ATP2B2: variants seen among roughly 807,000 people sequenced by gnomAD.
The protein encoded by ATP2B2 is ATPase plasma membrane Ca2+ transporting 2.
ATP2B2 carries 15 observed loss-of-function variants against 120.0 expected under a neutral mutation model. The ratio of observed to expected loss-of-function variants is 0.12; its 90% CI spans 0.08 to 0.19. The LOEUF (loss-of-function observed/expected upper bound fraction) is 0.19. ATP2B2 is among the 10% of genes least tolerant of loss of function. The pLI is 1.00. For synonymous variants in ATP2B2, 694 were observed against 700.3 expected (o/e 0.99, Z 0.14); for missense variants, 1,045 against 1,719.8 (o/e 0.61, Z 6.94).
chr3:10,665,513 C>A (rs1260605822), intron 1 of ATP2B2, among the ~76,000 whole-genome samples: 1 of 152,170 alleles, frequency 6.6e-6, no homozygotes, highest in East Asian at 1.9e-4. Flanking sequence ...TGCCTCCTGG[C>A]TGGGCTGGGA....
chr3:10,393,675 T>C (rs934048999), intron 5 of ATP2B2, among the ~76,000 whole-genome samples: 9 of 152,270 alleles, frequency 5.9e-5, no homozygotes, highest in Admixed American at 5.9e-4. Context: ...AGCTATCCCA[T>C]GAGTGGGAGG....
At chr3:10,618,572 G>A (rs1319405420) in intron 2 of ATP2B2, among the ~76,000 whole-genome samples, 2 of 152,156 alleles carry the variant, frequency 1.3e-5, no homozygotes, top group Non-Finnish European at 2.9e-5. Flanking sequence ...AAAATCGGAG[G>A]AGGAAGCATG....
At chr3:10,483,776 G>A (rs1017524721) in intron 1 of ATP2B2, among the ~76,000 whole-genome samples, 21 of 152,188 alleles carry the variant, frequency 1.4e-4, no homozygotes, top group Admixed American at 7.2e-4. Flanking sequence ...AACGCCTTCC[G>A]GAAAAAACTT....
Position 10,395,465 on chromosome 3 carries a change from C to T in ATP2B2, c.781+5488G>A, listed in dbSNP as rs73113632. The stretch of plus-strand genomic sequence containing the variant: ...AATACCCTTGCTCTTGGGAGACACA[C>T]CTGCAGTGTCTAGCGGGAGAAGGCC... On this transcript the variant is annotated intron_variant, in intron 5 of 22. Coordinates refer to ENST00000360273, the MANE Select transcript of ATP2B2 (RefSeq NM_001001331.4). Among the ~76,000 whole-genome samples the T allele has an allele frequency of 3.1e-3, 466 of 152,344 alleles. 4 individuals are homozygous for T. Among genetic ancestry groups the T allele is most frequent in the African/African-American group, 0.011 (442 of 41,576 alleles).
chr3:10,375,889 T>G lies in ATP2B2; in HGVS notation c.1202-245A>C, dbSNP rs1167761610. Among the ~76,000 whole-genome samples, 2 of 152,130 alleles carry G rather than the reference T, an allele frequency of 1.3e-5. No individual in the cohort carries two copies. The highest frequency in any genetic ancestry group is 1.5e-5 in the Non-Finnish European group (1 of 68,012). ...CCCAAGATTTTGTAAGGCTCAAATG[T>G]GGTAATAACGCATGCAAAGTGCCCA... On this transcript the variant is annotated intron_variant, in intron 10 of 22. Coordinates refer to ENST00000360273, the MANE Select transcript of ATP2B2 (RefSeq NM_001001331.4). This position sits in a 1 kb window ranked among gnomAD's most constrained non-coding sequence, Gnocchi z 4.2.
At position 10,342,324 on chromosome 3, in the gene ATP2B2, G is replaced by A. The variant is rs529607973; in HGVS notation, c.2917+428C>T. On this transcript the variant is annotated intron_variant, in intron 19 of 22. Coordinates refer to ENST00000360273, the MANE Select transcript of ATP2B2 (RefSeq NM_001001331.4). This position sits in a 1 kb window ranked among gnomAD's most constrained non-coding sequence, Gnocchi z 4.4. ...AAGCATTGTGAGAGTCGGTGGTGGT[G>A]TGAGCGTGTATGCCCTGCCCCAGGA... Among the ~76,000 whole-genome samples the A allele has an allele frequency of 6.6e-6, 1 of 152,156 alleles. No individual in the cohort carries two copies. The highest frequency in any genetic ancestry group is 1.5e-5 in the Non-Finnish European group (1 of 67,954).
At position 10,679,969 on chromosome 3, in the gene ATP2B2, T is replaced by C. The variant is rs145752728; in HGVS notation, c.-460+27946A>G. Among the ~76,000 whole-genome samples, 283 of 152,254 alleles carry C rather than the reference T, an allele frequency of 1.9e-3. 1 individual carries two copies. The highest frequency in any genetic ancestry group is 3.0e-3 in the Non-Finnish European group (202 of 68,022). On this transcript the variant is annotated intron_variant, in intron 1 of 21. Coordinates refer to the ATP2B2 transcript ENST00000646379. ...TGGTCGGTATATGGTTCGAGGATGTTAATAACCTGTCGGTTCCACGAGGGA... is the reference window on the plus strand; with the variant it reads ...TGGTCGGTATATGGTTCGAGGATGTCAATAACCTGTCGGTTCCACGAGGGA...
chr3:10,377,727 A>G (rs1028372808), intron 10 of ATP2B2, among the ~76,000 whole-genome samples: 2 of 152,152 alleles, frequency 1.3e-5, no homozygotes, highest in African/African-American at 2.4e-5. Context: ...TGGTCATGAT[A>G]AAGCCCAAAC....
chr3:10,661,252 A>G (rs1004990337), intron 1 of ATP2B2, among the ~76,000 whole-genome samples: 11 of 152,024 alleles, frequency 7.2e-5, no homozygotes, highest in African/African-American at 2.4e-4. Context: ...GGCGAGGGCA[A>G]TCAGGCAGGA....
chr3:10,339,052 C>A (rs1293763715), intron 21 of ATP2B2: 1 of 153,098 alleles, frequency 6.5e-6, no homozygotes, highest in African/African-American at 2.4e-5. Flanking sequence ...CTTCCATTTC[C>A]TGTAGGAGCA....
At chr3:10,381,572 A>C (rs891726069) in intron 8 of ATP2B2, among the ~76,000 whole-genome samples, 24 of 152,216 alleles carry the variant, frequency 1.6e-4, no homozygotes, top group African/African-American at 5.5e-4. Flanking sequence ...GGGAGTGCTG[A>C]GGCACAGATG....
intron 12 of ATP2B2, among the ~76,000 whole-genome samples, chr3:10,363,055 C>A (rs775022): frequency 0.39 from 58,598 of 151,992 alleles, 12,402 homozygotes; most frequent in East Asian, 0.57. Context: ...CTGAGCAGTC[C>A]TGCCTGCAAA....
intron 1 of ATP2B2, among the ~76,000 whole-genome samples, chr3:10,633,252 C>T (rs112949797): frequency 2.0e-5 from 3 of 152,166 alleles, no homozygotes; most frequent in African/African-American, 7.2e-5. Flanking sequence ...TGAGTTAACA[C>T]ATATGAGTGC....
At chr3:10,666,141 G>A (rs62240257) in intron 1 of ATP2B2, among the ~76,000 whole-genome samples, 2,194 of 152,218 alleles carry the variant, frequency 0.014, 30 homozygotes, top group South Asian at 0.023. Context: ...CCCTGGGCAC[G>A]GAGTCCCCAA....
At position 10,345,459 on chromosome 3, in the gene ATP2B2, G is replaced by A; in HGVS notation, c.2628C>T (p.Ser876=). Residue 876 remains serine (S), a synonymous_variant, in exon 18 of 23, where the codon TCC becomes TCT. Transcript: ENST00000360273. ...CGGTGAGCTGGAACTGCAAGAATTT[G>A]GAGATGCTGTCATAGACGTTGCGGC... The part of the protein sequence containing the change: ...MWGRNVYDSI[S]KFLQFQLTVN... 2 of 1,614,232 alleles carry A rather than the reference G, an allele frequency of 1.2e-6. No homozygotes were observed. Among genetic ancestry groups the A allele is most frequent in the Non-Finnish European group, 1.7e-6 (2 of 1,180,030 alleles).
intron 2 of ATP2B2, among the ~76,000 whole-genome samples, chr3:10,448,757 A>C (rs2063926713): frequency 6.6e-6 from 1 of 152,178 alleles, no homozygotes; most frequent in Admixed American, 6.5e-5. Flanking sequence ...ATCCCCAACC[A>C]GAGTCTGGAT....
At chr3:10,533,555 C>G (rs1407515522) in intron 3 of ATP2B2, among the ~76,000 whole-genome samples, 1 of 152,242 alleles carries the variant, frequency 6.6e-6, no homozygotes, top group Non-Finnish European at 1.5e-5. Flanking sequence ...TCTCTGTCAG[C>G]ACTTAGCACA....
At chr3:10,440,349 G>A (rs2063622663) in intron 2 of ATP2B2, among the ~76,000 whole-genome samples, 1 of 152,098 alleles carries the variant, frequency 6.6e-6, no homozygotes, top group Non-Finnish European at 1.5e-5. Context: ...TCATCTTATG[G>A]AGCTGGAGGC....
At chr3:10,611,423 C>T (rs533327429) in intron 2 of ATP2B2, among the ~76,000 whole-genome samples, 5 of 152,224 alleles carry the variant, frequency 3.3e-5, no homozygotes, top group South Asian at 2.1e-4. Context: ...ACATCGGTGT[C>T]GTCCAGCCTC....
Sources: gnomAD v4.1 joint callset for allele counts (sites outside exome capture counted in the v4.1 genomes callset) on GRCh38, gnomAD v4.1.1 for gene constraint, Gnocchi (gnomAD v3.1) non-coding constraint, MANE v1.5 for transcripts, NCBI Gene and HGNC (gene_info 2026-07-23, HGNC 2026-07-21) for gene names.